Variants in LGSN observed in about 807,000 individuals in gnomAD.
The protein encoded by LGSN is lengsin, lens protein with glutamine synthetase domain.
In LGSN, 21 loss-of-function variants were observed where a neutral mutation model predicts 19.5. That is an observed-to-expected ratio of 1.07 (90% CI 0.76 to 1.55). LGSN has a LOEUF of 1.55. Among genes scored for constraint, LGSN ranks in the 40% most tolerant of loss-of-function variants. The pLI is 0.00. For missense variants in LGSN, 673 were observed against 608.5 expected (o/e 1.11, Z -1.12); for synonymous variants, 257 against 215.6 (o/e 1.19, Z -1.68).
the LGSN span, among the ~76,000 whole-genome samples, chr6:63,544,048 C>T: frequency 3.9e-5 from 6 of 152,148 alleles, no homozygotes; most frequent in Non-Finnish European, 2.9e-5. Context: ...CCCCCAACCC[C>T]GTATTTCATG....
chr6:63,314,646 T>C (rs1768771417), intron 1 of LGSN, among the ~76,000 whole-genome samples: 1 of 152,200 alleles, frequency 6.6e-6, no homozygotes, highest in African/African-American at 2.4e-5. Flanking sequence ...CCTTAATCTA[T>C]CTTATCCATT....
At chr6:63,534,054 G>A in the LGSN span, among the ~76,000 whole-genome samples, 1 of 151,916 alleles carries the variant, frequency 6.6e-6, no homozygotes, top group Non-Finnish European at 1.5e-5. Flanking sequence ...ATTTTGGCAG[G>A]CTAGTCTAGA....
At chr6:63,300,321 G>A (rs769963938) in intron 1 of LGSN, among the ~76,000 whole-genome samples, 8 of 152,196 alleles carry the variant, frequency 5.3e-5, no homozygotes, top group South Asian at 2.1e-4. Context: ...GAATACCTAC[G>A]TTATTTTTTC....
chr6:63,533,780 AT>A, the LGSN span, among the ~76,000 whole-genome samples: 2 of 151,926 alleles, frequency 1.3e-5, no homozygotes, highest in African/African-American at 4.8e-5. Flanking sequence ...TATACTTAGG[AT>A]TTTTTTTAAA....
At chr6:63,530,843 A>T in the LGSN span, among the ~76,000 whole-genome samples, 1 of 152,208 alleles carries the variant, frequency 6.6e-6, no homozygotes, top group African/African-American at 2.4e-5. Flanking sequence ...GTAGTACCTT[A>T]AAACATCCAA....
At chr6:63,316,296 C>T (rs1768852607) in intron 1 of LGSN, among the ~76,000 whole-genome samples, 1 of 152,130 alleles carries the variant, frequency 6.6e-6, no homozygotes, top group Non-Finnish European at 1.5e-5. Flanking sequence ...GATATAGCTG[C>T]TCCCATATGA....
the LGSN span, among the ~76,000 whole-genome samples, chr6:63,491,478 T>A: frequency 1.1e-4 from 17 of 152,102 alleles, no homozygotes; most frequent in Non-Finnish European, 1.8e-4. Flanking sequence ...TCCTTGAGAA[T>A]CCTCCCAAAG....
At chr6:63,514,635 C>T in the LGSN span, among the ~76,000 whole-genome samples, 5 of 152,310 alleles carry the variant, frequency 3.3e-5, no homozygotes, top group South Asian at 1.0e-3. Flanking sequence ...AATCATTAAA[C>T]CTTGTCATTA....
At chr6:63,294,003 C>T in intron 2 of LGSN, 1 of 331,264 alleles carries the variant, frequency 3.0e-6, no homozygotes, top group East Asian at 8.0e-5. Context: ...CTACCCTAGT[C>T]ACTGGCCAAG....
chr6:63,465,058 T>C, the LGSN span, among the ~76,000 whole-genome samples: 5 of 151,976 alleles, frequency 3.3e-5, no homozygotes, highest in Non-Finnish European at 5.9e-5. Context: ...CTAATTATTT[T>C]ACTACCTTTT....
chr6:63,449,963 A>C, the LGSN span, among the ~76,000 whole-genome samples: 1 of 152,162 alleles, frequency 6.6e-6, no homozygotes, highest in Non-Finnish European at 1.5e-5. Flanking sequence ...ATGGAGAAGC[A>C]TGTATCTGAA....
the LGSN span, among the ~76,000 whole-genome samples, chr6:63,426,427 AC>A: frequency 2.0e-5 from 3 of 152,178 alleles, no homozygotes; most frequent in Non-Finnish European, 4.4e-5. Flanking sequence ...ATATACACAC[AC>A]AAACGAAGTG....
chr6:63,404,564 G>A, the LGSN span, among the ~76,000 whole-genome samples: 123 of 152,086 alleles, frequency 8.1e-4, no homozygotes, highest in African/African-American at 2.8e-3. Flanking sequence ...GTCTGCTGAG[G>A]GACCACTTTC....
At chr6:63,332,821 G>A in the LGSN span, among the ~76,000 whole-genome samples, 20 of 152,212 alleles carry the variant, frequency 1.3e-4, no homozygotes, top group South Asian at 4.2e-4. Flanking sequence ...ACCACATGGC[G>A]GTAGGCGAAA....
At chr6:63,447,464 T>C in the LGSN span, among the ~76,000 whole-genome samples, 2 of 152,210 alleles carry the variant, frequency 1.3e-5, no homozygotes, top group African/African-American at 4.8e-5. Context: ...TCTATGTTAC[T>C]GGGATTAACT....
chr6:63,529,217 G>GTGTATATATATATATGTATAT, the LGSN span, among the ~76,000 whole-genome samples: 2 of 146,560 alleles, frequency 1.4e-5, no homozygotes, highest in African/African-American at 5.0e-5. Context: ...ATATATATTT[G>GTGTATATATATATATGTATAT]CTAATAACTT....
the LGSN span, among the ~76,000 whole-genome samples, chr6:63,481,581 C>A: frequency 6.6e-6 from 1 of 151,330 alleles, no homozygotes; most frequent in East Asian, 1.9e-4. Context: ...CTCCTGACCT[C>A]GTGATCCGCC....
chr6:63,356,172 A>G, the LGSN span, among the ~76,000 whole-genome samples: 1 of 152,196 alleles, frequency 6.6e-6, no homozygotes, highest in Non-Finnish European at 1.5e-5. Context: ...ACATTCTGAG[A>G]TCCTGAAGGT....
At chr6:63,367,327 A>G in the LGSN span, among the ~76,000 whole-genome samples, 1 of 152,228 alleles carries the variant, frequency 6.6e-6, no homozygotes, top group Non-Finnish European at 1.5e-5. Context: ...GCAGCCAACA[A>G]ACACATGAAA....
Sources: allele counts gnomAD v4.1 joint callset (sites outside exome capture counted in the v4.1 genomes callset), GRCh38; gene constraint gnomAD v4.1.1; transcripts MANE v1.5; gene names NCBI Gene and HGNC (gene_info 2026-07-23, HGNC 2026-07-21).